MMP26: variants seen among roughly 807,000 people sequenced by gnomAD.
MMP26 encodes the protein matrix metallopeptidase 26, also known as matrix metalloproteinase-26.
Under a neutral mutation model 31.0 loss-of-function variants are expected in MMP26, and 33 were observed. That is an observed-to-expected ratio of 1.06 (90% CI 0.81 to 1.42). MMP26 has a LOEUF of 1.42. Among genes scored for constraint, MMP26 ranks in the 40% most tolerant of loss-of-function variants. The pLI is 0.00. For synonymous variants in MMP26, 122 were observed against 114.9 expected, an observed-to-expected ratio of 1.06 and a Z score of -0.40; for missense variants, 347 against 316.1, an observed-to-expected ratio of 1.10 and a Z score of -0.74.
intron 2 of MMP26, among the ~76,000 whole-genome samples, chr11:4,983,726 G>A (rs1323939234): frequency 6.6e-6 from 1 of 152,152 alleles, no homozygotes; most frequent in Non-Finnish European, 1.5e-5. Context: ...AAACTTTCTG[G>A]TTAAATTCAC....
intron 2 of MMP26, among the ~76,000 whole-genome samples, chr11:4,811,524 T>C (rs1378593550): frequency 6.6e-6 from 1 of 152,254 alleles, no homozygotes; most frequent in East Asian, 1.9e-4. Flanking sequence ...TCCATGTTGC[T>C]GCAAAATACA....
chr11:4,909,650 A>G (rs1850959752), intron 2 of MMP26, among the ~76,000 whole-genome samples: 2 of 152,152 alleles, frequency 1.3e-5, no homozygotes, highest in African/African-American at 2.4e-5. Context: ...TCTCTCTAAT[A>G]TGCTTTTTTA....
chr11:4,917,612 G>A (rs1851117868), intron 2 of MMP26, among the ~76,000 whole-genome samples: 1 of 152,140 alleles, frequency 6.6e-6, no homozygotes, highest in Non-Finnish European at 1.5e-5. Flanking sequence ...CTCACACCGT[G>A]CTCCTCAGCT....
At chr11:4,797,266 G>GAATGAATGA (rs1849120729) in intron 2 of MMP26, among the ~76,000 whole-genome samples, 1 of 152,108 alleles carries the variant, frequency 6.6e-6, no homozygotes, top group Non-Finnish European at 1.5e-5. Flanking sequence ...AGAAATGAAA[G>GAATGAATGA]AATGAATGAA....
intron 2 of MMP26, among the ~76,000 whole-genome samples, chr11:4,816,753 G>A (rs1460317846): frequency 7.2e-6 from 1 of 138,586 alleles, no homozygotes; most frequent in South Asian, 2.3e-4. Context: ...GCCCAGGCTG[G>A]AACTCAGTGG....
chr11:4,991,216 C>A (rs531074197), intron 5 of MMP26, among the ~76,000 whole-genome samples, 155 bp from the exon 6 acceptor site: 1 of 152,270 alleles, frequency 6.6e-6, no homozygotes, highest in South Asian at 2.1e-4. Flanking sequence ...TGGGCCCCAC[C>A]TTATTTCTCT....
chr11:4,877,734 C>T (rs1850403335), intron 2 of MMP26: 1 of 151,942 alleles, frequency 6.6e-6, no homozygotes, highest in Admixed American at 6.6e-5. Flanking sequence ...TTTAAGTAGT[C>T]ATATGTAACT....
chr11:4,969,164 T>G (rs529337602), intron 2 of MMP26, among the ~76,000 whole-genome samples: 1 of 152,084 alleles, frequency 6.6e-6, no homozygotes, highest in Non-Finnish European at 1.5e-5. Flanking sequence ...GGATTGCAAA[T>G]TTATTAATAC....
intron 1 of MMP26, among the ~76,000 whole-genome samples, chr11:4,707,803 A>G (rs1191061201): frequency 6.6e-6 from 1 of 152,200 alleles, no homozygotes; most frequent in South Asian, 2.1e-4. Context: ...TCATTCATTT[A>G]ATAGATACTT....
intron 2 of MMP26, among the ~76,000 whole-genome samples, chr11:4,865,038 A>G (rs899804856): frequency 1.3e-5 from 2 of 152,150 alleles, no homozygotes; most frequent in African/African-American, 4.8e-5. Context: ...CTTGTTAGCT[A>G]TTATTAATTG....
At chr11:4,914,404 T>C (rs1305740186) in intron 2 of MMP26, 1 of 249,142 alleles carries the variant, frequency 4.0e-6, no homozygotes, top group Non-Finnish European at 7.7e-6. Context: ...CATTTACAAA[T>C]TCTATCCAGT....
rs889530717 is a variant in MMP26 at position 4,860,056 on chromosome 11, A to G, written c.-145+92715A>G. On this transcript the variant is annotated intron_variant, in intron 2 of 7. Coordinates refer to ENST00000380390, the MANE Select transcript of MMP26 (RefSeq NM_021801.5). Reference sequence around the variant, plus strand: ...ATGAGACAAGACATTGGAATGGCAGAAGGGTAGGCACTTTATAAGGAAGGG... The same window carrying G: ...ATGAGACAAGACATTGGAATGGCAGGAGGGTAGGCACTTTATAAGGAAGGG... 22 of 471,010 alleles carry G rather than the reference A, an allele frequency of 4.7e-5. No homozygotes were observed. The Admixed American group carries it at 4.9e-4, about 11-fold the overall frequency. The allele number at this position is 471,010 out of a possible 1,614,324, so 29.2% of individuals were successfully genotyped here.
At chr11:4,838,848 G>C (rs1051332524) in intron 2 of MMP26, among the ~76,000 whole-genome samples, 9 of 152,156 alleles carry the variant, frequency 5.9e-5, no homozygotes, top group Admixed American at 5.9e-4. Context: ...AAACAAAAAA[G>C]TCGGATGAGT....
At chr11:4,767,766 A>G (rs1267342829) in intron 2 of MMP26, among the ~76,000 whole-genome samples, 6 of 152,190 alleles carry the variant, frequency 3.9e-5, no homozygotes, top group Admixed American at 3.3e-4. Context: ...TGCTGCCCTC[A>G]GTATTTGTGG....
intron 2 of MMP26, among the ~76,000 whole-genome samples, chr11:4,956,006 T>A (rs1846438278): frequency 6.6e-6 from 1 of 152,196 alleles, no homozygotes; most frequent in Admixed American, 6.5e-5. Context: ...TGCAGTTAGT[T>A]ACACGTCTGA....
chr11:4,928,881 A>C (rs1296410093), intron 2 of MMP26, among the ~76,000 whole-genome samples: 4 of 152,178 alleles, frequency 2.6e-5, no homozygotes, highest in African/African-American at 9.6e-5. Flanking sequence ...AAAGCTAAAA[A>C]GAGAGCAGGC....
intron 2 of MMP26, among the ~76,000 whole-genome samples, chr11:4,896,313 T>C (rs1038511181): frequency 3.3e-5 from 5 of 152,088 alleles, no homozygotes; most frequent in African/African-American, 1.2e-4. Flanking sequence ...GCCAAGACTT[T>C]TATCTACACA....
chr11:4,721,518 G>A (rs1848013255), intron 1 of MMP26, among the ~76,000 whole-genome samples: 1 of 152,208 alleles, frequency 6.6e-6, no homozygotes, highest in Admixed American at 6.5e-5. Context: ...GTCAATGGCT[G>A]TTTTGGAGCT....
intron 2 of MMP26, among the ~76,000 whole-genome samples, chr11:4,807,837 C>T (rs983227498): frequency 3.3e-5 from 5 of 152,088 alleles, no homozygotes; most frequent in African/African-American, 1.2e-4. Context: ...CATGCTTTCA[C>T]TCTGTTGTCC....
Sources: allele counts gnomAD v4.1 joint callset (sites outside exome capture counted in the v4.1 genomes callset), GRCh38; gene constraint gnomAD v4.1.1; transcripts MANE v1.5; gene names NCBI Gene and HGNC (gene_info 2026-07-23, HGNC 2026-07-21).